SMAP1: variants seen among roughly 807,000 people sequenced by gnomAD.
SMAP1 encodes the protein stromal membrane-associated protein 1.
In SMAP1, 24 loss-of-function variants were observed where a neutral mutation model predicts 58.5. That is an observed-to-expected ratio of 0.41 (90% CI 0.30 to 0.58). SMAP1 has a LOEUF of 0.58. SMAP1 is among the 20% of genes least tolerant of loss of function. The pLI, the probability that SMAP1 is intolerant of heterozygous loss-of-function variation, is 0.29. For missense variants in SMAP1, 563 were observed against 566.3 expected (o/e 0.99, Z 0.06); for synonymous variants, 216 against 196.6 (o/e 1.10, Z -0.82).
chr6:70,739,537 A>G (rs1364473171), intron 2 of SMAP1, among the ~76,000 whole-genome samples: 2 of 152,178 alleles, frequency 1.3e-5, no homozygotes, highest in Non-Finnish European at 2.9e-5. Flanking sequence ...ATTTAAATAT[A>G]AAGTGAGTTT....
At chr6:70,837,963 T>C (rs1030005878) in intron 7 of SMAP1, 3 of 1,061,478 alleles carry the variant, frequency 2.8e-6, no homozygotes, top group African/African-American at 3.4e-5. Context: ...CGTACAAATA[T>C]ACTCCCTGGA....
intron 6 of SMAP1, among the ~76,000 whole-genome samples, chr6:70,818,480 T>C (rs1049096159): frequency 6.6e-6 from 1 of 152,118 alleles, no homozygotes; most frequent in Non-Finnish European, 1.5e-5. Context: ...GCAAGCAAAA[T>C]AGAATAAAGA....
chr6:70,731,258 G>A (rs1021223245), intron 1 of SMAP1, among the ~76,000 whole-genome samples: 1 of 152,064 alleles, frequency 6.6e-6, no homozygotes, highest in Non-Finnish European at 1.5e-5. Context: ...CAAGCAATAT[G>A]TGAAAAAATC....
At chr6:70,676,459 TA>T in intron 1 of SMAP1, among the ~76,000 whole-genome samples, 1 of 152,220 alleles carries the variant, frequency 6.6e-6, no homozygotes, top group Admixed American at 6.5e-5. Context: ...TGAGATGAGA[TA>T]GGGGTGGGAA....
intron 1 of SMAP1, among the ~76,000 whole-genome samples, chr6:70,699,790 C>T (rs887984008): frequency 6.6e-6 from 1 of 151,916 alleles, no homozygotes; most frequent in Non-Finnish European, 1.5e-5. Flanking sequence ...TCTCTCCCTT[C>T]AAGGCAGTGG....
chr6:70,829,042 T>G (rs1245753902), intron 6 of SMAP1, among the ~76,000 whole-genome samples: 1 of 152,136 alleles, frequency 6.6e-6, no homozygotes, highest in Non-Finnish European at 1.5e-5. Context: ...TGCACCGTGT[T>G]TCCTATTTGA....
chr6:70,791,127 A>G (rs1330961065), intron 4 of SMAP1, among the ~76,000 whole-genome samples: 1 of 152,216 alleles, frequency 6.6e-6, no homozygotes, highest in African/African-American at 2.4e-5. Context: ...TTGCTTTATA[A>G]TAAGTCTGCT....
chr6:70,758,325 T>A (rs1300503311), intron 3 of SMAP1, among the ~76,000 whole-genome samples: 3 of 138,224 alleles, frequency 2.2e-5, no homozygotes, highest in African/African-American at 5.4e-5. Flanking sequence ...AACAATGAGA[T>A]CACATGGACA....
chr6:70,724,571 G>T (rs1768681594), intron 1 of SMAP1, among the ~76,000 whole-genome samples: 1 of 152,130 alleles, frequency 6.6e-6, no homozygotes, highest in Non-Finnish European at 1.5e-5. Context: ...CTTCATTTTA[G>T]GAAATGATTA....
At chr6:70,825,328 G>T (rs1296415785) in intron 6 of SMAP1, among the ~76,000 whole-genome samples, 4 of 152,174 alleles carry the variant, frequency 2.6e-5, no homozygotes, top group Non-Finnish European at 4.4e-5. Context: ...CAGTCACCCA[G>T]CTGGGAAGTG....
intron 1 of SMAP1, among the ~76,000 whole-genome samples, chr6:70,714,662 G>A (rs1006932867): frequency 6.6e-6 from 1 of 151,832 alleles, no homozygotes. Flanking sequence ...TATTTTGCCC[G>A]TATATTTAAC....
In SMAP1 at chr6:70,798,746, C is replaced by A. The variant is rs778615763; in HGVS notation, c.576+9C>A. 2.0e-6 allele frequency: 3 copies of A among 1,538,252 alleles called. No homozygotes were observed. The highest frequency in any genetic ancestry group is 2.6e-5 in the South Asian group (2 of 77,982). ...CACTTACAGCTGAAAAGGTAAAATT[C>A]TTTTTTTAAAAATAATCTATTAGGA... is the stretch of plus-strand genomic sequence containing the variant. On this transcript the variant is annotated intron_variant, in intron 6 of 10. Coordinates refer to ENST00000370455, the MANE Select transcript of SMAP1 (RefSeq NM_001044305.3).
chr6:70,832,776 C>G (rs542639218), intron 6 of SMAP1, among the ~76,000 whole-genome samples: 2 of 152,170 alleles, frequency 1.3e-5, no homozygotes, highest in African/African-American at 4.8e-5. Flanking sequence ...CTAACCTATG[C>G]CTGTGGTAAT....
At position 70,791,659 on chromosome 6, in the gene SMAP1, TCCTCCTGACTTTTCACCTGTACTCCA is replaced by T; in HGVS notation, c.415-28_415-3del. ...TCTCATTACCTTCTTTTTGTTTTTT[TCCTCCTGACTTTTCACCTGTACTCCA>T]CAGATTTCCTCCTCTGATGCTCCTC... On this transcript the variant is annotated splice_polypyrimidine_tract_variant and splice_region_variant and intron_variant, in intron 4 of 10. Coordinates refer to ENST00000370455, the MANE Select transcript of SMAP1 (RefSeq NM_001044305.3). 4 of 1,583,954 alleles carry T rather than the reference TCCTCCTGACTTTTCACCTGTACTCCA, an allele frequency of 2.5e-6. No homozygotes were observed. The South Asian group carries it at 4.6e-5, about 18-fold the overall frequency.
At chr6:70,801,734 G>A (rs1339613422) in intron 6 of SMAP1, among the ~76,000 whole-genome samples, 1 of 152,224 alleles carries the variant, frequency 6.6e-6, no homozygotes, top group African/African-American at 2.4e-5. Flanking sequence ...TCTACATATG[G>A]CTAGCCAGTT....
intron 10 of SMAP1, chr6:70,859,224 T>G: frequency 1.4e-6 from 1 of 693,434 alleles, no homozygotes; most frequent in Non-Finnish European, 2.4e-6. Flanking sequence ...TAAAAAATTG[T>G]ATGTGCTAAG....
chr6:70,770,652 G>T (rs1767246269), intron 3 of SMAP1, among the ~76,000 whole-genome samples: 1 of 151,960 alleles, frequency 6.6e-6, no homozygotes. Context: ...ACATTCGTCT[G>T]AATTTTTTTC....
At chr6:70,822,573 C>T (rs1004099876) in intron 6 of SMAP1, among the ~76,000 whole-genome samples, 7 of 152,134 alleles carry the variant, frequency 4.6e-5, no homozygotes, top group Non-Finnish European at 1.0e-4. Flanking sequence ...GGCAAAGGAC[C>T]TCAACTCTGT....
intron 4 of SMAP1, among the ~76,000 whole-genome samples, chr6:70,780,908 T>G (rs1767737235): frequency 6.6e-6 from 1 of 152,244 alleles, no homozygotes; most frequent in South Asian, 2.1e-4. Context: ...AGTGTCTGAA[T>G]TTCATAGTAT....
Sources: gnomAD v4.1 joint callset for allele counts (sites outside exome capture counted in the v4.1 genomes callset) on GRCh38, gnomAD v4.1.1 for gene constraint, MANE v1.5 for transcripts, NCBI Gene and HGNC (gene_info 2026-07-23, HGNC 2026-07-21) for gene names.